The following RBFOX2 variants were observed in gnomAD, a reference collection of about 807,000 sequenced individuals.
RBFOX2 encodes RNA binding protein fox-1 homolog 2.
A neutral mutation model predicts 49.1 loss-of-function variants in RBFOX2; 10 were observed. That is an observed-to-expected ratio of 0.20 (90% CI 0.13 to 0.35). The LOEUF is 0.35. Among genes scored for constraint, RBFOX2 ranks in the 10% least tolerant of loss-of-function variants. RBFOX2 has a pLI of 1.00. For synonymous variants in RBFOX2, 183 were observed against 187.4 expected (o/e 0.98, Z 0.19); for missense variants, 323 against 486.9 (o/e 0.66, Z 3.17).
chr22:35,840,261 T>G, exon 1 of RBFOX2: 1 of 1,614,170 alleles, frequency 6.2e-7, no homozygotes, highest in Non-Finnish European at 8.5e-7. Context: ...GCAGCCGTGC[T>G]GGGGCACACC....
chr22:35,764,080 G>T (rs1939973005), intron 6 of RBFOX2, among the ~76,000 whole-genome samples: 1 of 152,134 alleles, frequency 6.6e-6, no homozygotes, highest in South Asian at 2.1e-4. Flanking sequence ...AAAATAAGAG[G>T]TAAAGTGGGA....
At chr22:35,903,421 G>A (rs973650209) in intron 1 of RBFOX2, among the ~76,000 whole-genome samples, 5 of 151,686 alleles carry the variant, frequency 3.3e-5, no homozygotes, top group Non-Finnish European at 5.9e-5. Context: ...CTTCTCCCTC[G>A]ACAGACCTCT....
At chr22:35,947,036 A>T (rs2054357624) in intron 1 of RBFOX2, among the ~76,000 whole-genome samples, 1 of 152,174 alleles carries the variant, frequency 6.6e-6, no homozygotes, top group Admixed American at 6.5e-5. Flanking sequence ...TACTAAAAAT[A>T]CAAAATTAGC....
At chr22:35,778,255 G>A (rs1944377251) in intron 3 of RBFOX2, among the ~76,000 whole-genome samples, 177 bp from the exon 5 acceptor site, 1 of 152,174 alleles carries the variant, frequency 6.6e-6, no homozygotes, top group South Asian at 2.1e-4. Context: ...TCGTCACTGA[G>A]CTGACAGTTT....
At chr22:35,902,304 T>A (rs1419586272) in intron 1 of RBFOX2, among the ~76,000 whole-genome samples, 3 of 152,116 alleles carry the variant, frequency 2.0e-5, no homozygotes, top group Admixed American at 2.0e-4. Context: ...CCGTGTTCCA[T>A]AATTACAATC....
At chr22:35,795,166 A>G (rs1451916245) in intron 2 of RBFOX2, among the ~76,000 whole-genome samples, 1 of 151,858 alleles carries the variant, frequency 6.6e-6, no homozygotes, top group African/African-American at 2.4e-5. Flanking sequence ...TAAAGGACAG[A>G]TGTAATTATT....
chr22:35,953,049 A>C (rs1277824182), intron 1 of RBFOX2, among the ~76,000 whole-genome samples: 1 of 151,866 alleles, frequency 6.6e-6, no homozygotes, highest in African/African-American at 2.4e-5. Flanking sequence ...ATCTCTACTA[A>C]AAATACAAAA....
rs569226235 is a variant in RBFOX2 at position 35,850,157 on chromosome 22, C to A, written c.-33-40153G>T. On this transcript the variant is annotated intron_variant, in intron 1 of 13. Transcript: ENST00000359369. ...CTTTCTTGGGCGGGGAGCATGTACC[C>A]GTGTGCACGCATGCGCATTCTCTGT... 2.0e-5 allele frequency among the ~76,000 whole-genome samples: 3 copies of A among 151,084 alleles called. No homozygotes were observed. The East Asian group carries it at 5.9e-4, about 30-fold the overall frequency.
At chr22:35,815,873 C>T (rs1448902301) in intron 1 of RBFOX2, among the ~76,000 whole-genome samples, 1 of 152,096 alleles carries the variant, frequency 6.6e-6, no homozygotes, top group Non-Finnish European at 1.5e-5. Flanking sequence ...CTTAGATGGG[C>T]TCAGATTTCA....
chr22:35,952,813 T>C (rs1192612410), intron 1 of RBFOX2, among the ~76,000 whole-genome samples: 1 of 152,098 alleles, frequency 6.6e-6, no homozygotes, highest in African/African-American at 2.4e-5. Context: ...AGAGCTACCA[T>C]ATGACCCAGC....
intron 1 of RBFOX2, among the ~76,000 whole-genome samples, chr22:35,917,435 T>G (rs1428196576): frequency 6.6e-6 from 1 of 152,126 alleles, no homozygotes; most frequent in Non-Finnish European, 1.5e-5. Context: ...ACAGTGAAAA[T>G]GCACAGTGAG....
intron 9 of RBFOX2, chr22:35,752,524 T>C: frequency 7.9e-6 from 6 of 761,714 alleles, no homozygotes; most frequent in Non-Finnish European, 9.6e-6. Flanking sequence ...TTCCCATCTC[T>C]AACGTGGAGC....
At chr22:35,881,216 G>C (rs187009186) in intron 1 of RBFOX2, among the ~76,000 whole-genome samples, 2 of 151,770 alleles carry the variant, frequency 1.3e-5, no homozygotes, top group Non-Finnish European at 2.9e-5. Flanking sequence ...GTGAGCCGAC[G>C]ATCGCGCCAC....
intron 1 of RBFOX2, among the ~76,000 whole-genome samples, chr22:35,893,012 T>TC (rs2047428959): frequency 6.6e-6 from 1 of 152,206 alleles, no homozygotes; most frequent in South Asian, 2.1e-4. Context: ...CTTCTGCACG[T>TC]CCTCAATGAA....
chr22:35,994,761 T>G (rs1222841726), intron 1 of RBFOX2: 1 of 151,596 alleles, frequency 6.6e-6, no homozygotes, highest in South Asian at 2.1e-4. Flanking sequence ...CTCACTTTGT[T>G]GCCCAAGCGA....
intron 2 of RBFOX2, among the ~76,000 whole-genome samples, chr22:35,804,481 A>C (rs1353697874): frequency 1.3e-5 from 2 of 152,170 alleles, no homozygotes; most frequent in African/African-American, 4.8e-5. Flanking sequence ...AGACAAACAG[A>C]AAATCTTGAA....
In RBFOX2 at chr22:35,769,959, G is replaced by A. The variant is rs1292661521; in HGVS notation, c.454-1610C>T. Among the ~76,000 whole-genome samples the A allele has an allele frequency of 6.6e-5, 10 of 152,052 alleles. No individual in the cohort carries two copies. The South Asian group carries it at 1.0e-3, about 16-fold the overall frequency. ...GCTAAGCTGATAGAGATTTTAAAAC[G>A]TATGTTGCTTGGAATGAAATACTAC... On this transcript the variant is annotated intron_variant, in intron 4 of 11. Transcript: ENST00000405409.
chr22:35,788,469 G>A (rs1018698543), intron 2 of RBFOX2, among the ~76,000 whole-genome samples: 1 of 151,968 alleles, frequency 6.6e-6, no homozygotes, highest in African/African-American at 2.4e-5. Flanking sequence ...AAGCAAAATA[G>A]GAAATTCAGT....
At position 35,759,812 on chromosome 22, in the gene RBFOX2, T is replaced by C. The variant is rs964364010; in HGVS notation, c.887+76A>G. 3 of 1,572,668 alleles carry C rather than the reference T, an allele frequency of 1.9e-6. No homozygotes were observed. The highest frequency in any genetic ancestry group is 2.6e-6 in the Non-Finnish European group (3 of 1,148,730). Reference sequence around the variant, plus strand: ...TGACACGGCAACATCCCAGAAGTTATGAAAGGGCCATGGTATTCTTTTTTG... The same window carrying C: ...TGACACGGCAACATCCCAGAAGTTACGAAAGGGCCATGGTATTCTTTTTTG... On this transcript the variant is annotated intron_variant, in intron 9 of 11. Coordinates refer to ENST00000405409, the Ensembl canonical transcript of RBFOX2. The surrounding 1 kb of genome is among the most constrained non-coding windows in gnomAD (Gnocchi z 4.6).
Sources: gnomAD v4.1 joint callset for allele counts (sites outside exome capture counted in the v4.1 genomes callset) on GRCh38, gnomAD v4.1.1 for gene constraint, Gnocchi (gnomAD v3.1) non-coding constraint, MANE v1.5 for transcripts, NCBI Gene and HGNC (gene_info 2026-07-23, HGNC 2026-07-21) for gene names.